The following PRIM2 variants were observed in gnomAD, a reference collection of about 807,000 sequenced individuals.
The protein encoded by PRIM2 is DNA primase large subunit.
PRIM2 carries 39 observed loss-of-function variants against 67.3 expected under a neutral mutation model. That is an observed-to-expected ratio of 0.58 (90% CI 0.45 to 0.76). PRIM2 has a LOEUF of 0.76. PRIM2 is among the 30% of genes least tolerant of loss of function. The pLI is 0.00. For synonymous variants in PRIM2, 143 were observed against 198.7 expected (o/e 0.72, Z 2.36); for missense variants, 398 against 598.7 (o/e 0.66, Z 3.50).
chr6:57,251,056 T>C, the PRIM2 span, among the ~76,000 whole-genome samples: 1 of 152,166 alleles, frequency 6.6e-6, no homozygotes, highest in Non-Finnish European at 1.5e-5. Flanking sequence ...TTTTTATTTC[T>C]CTCTTATAAT....
At chr6:57,644,697 T>C (rs1365122690) in intron 13 of PRIM2, among the ~76,000 whole-genome samples, 2 of 152,168 alleles carry the variant, frequency 1.3e-5, no homozygotes, top group Non-Finnish European at 2.9e-5. Flanking sequence ...CGTAAAAGGA[T>C]TAGTTAATAC....
chr6:57,334,077 C>A (rs1768142032), intron 5 of PRIM2, among the ~76,000 whole-genome samples: 1 of 152,154 alleles, frequency 6.6e-6, no homozygotes, highest in African/African-American at 2.4e-5. Flanking sequence ...CCTAACCACC[C>A]CAGCTACTGG....
chr6:57,347,852 G>C (rs1037598111), intron 5 of PRIM2, among the ~76,000 whole-genome samples: 2 of 152,146 alleles, frequency 1.3e-5, no homozygotes, highest in Admixed American at 6.6e-5. Flanking sequence ...AGATGTATAA[G>C]TCACAAAGCA....
the PRIM2 span, among the ~76,000 whole-genome samples, chr6:57,267,726 T>C: frequency 6.7e-6 from 1 of 148,782 alleles, no homozygotes; most frequent in East Asian, 2.1e-4. Flanking sequence ...CTGGGCAACA[T>C]TGCGACACCC....
intron 7 of PRIM2, among the ~76,000 whole-genome samples, chr6:57,484,825 C>A (rs1773716805): frequency 6.6e-6 from 1 of 152,162 alleles, no homozygotes; most frequent in Non-Finnish European, 1.5e-5. Context: ...CTTTTGGTCC[C>A]AACCTTCCCT....
At chr6:57,610,907 A>G (rs1430226491) in intron 12 of PRIM2, among the ~76,000 whole-genome samples, 2 of 152,210 alleles carry the variant, frequency 1.3e-5, no homozygotes, top group African/African-American at 4.8e-5. Flanking sequence ...GGAGACATGA[A>G]ATAGTAACCC....
Position 57,590,364 on chromosome 6 carries a change from T to C in PRIM2, c.1021-10729T>C, listed in dbSNP as rs1384886245. Among the ~76,000 whole-genome samples, 8 of 152,254 alleles carry C rather than the reference T, an allele frequency of 5.3e-5. No homozygotes were observed. The East Asian group carries it at 1.5e-3, about 29-fold the overall frequency. On this transcript the variant is annotated intron_variant, in intron 10 of 13. Transcript: ENST00000615550. ...AGTAGTTAAAATGGTAAAAACAGATTTTATTCAGGAAAAGCTGCAATAGAA... is the reference window on the plus strand; with the variant it reads ...AGTAGTTAAAATGGTAAAAACAGATCTTATTCAGGAAAAGCTGCAATAGAA...
chr6:57,277,678 T>C, the PRIM2 span, among the ~76,000 whole-genome samples: 1 of 151,972 alleles, frequency 6.6e-6, no homozygotes, highest in African/African-American at 2.4e-5. Context: ...GTCAGTTCAT[T>C]AGCATAGATT....
At chr6:57,642,879 A>G in intron 13 of PRIM2, among the ~76,000 whole-genome samples, 1 of 152,216 alleles carries the variant, frequency 6.6e-6, no homozygotes, top group East Asian at 1.9e-4. Context: ...AGCATCAGCA[A>G]TTTCCAGTTT....
upstream of PRIM2, among the ~76,000 whole-genome samples, chr6:57,310,115 C>G (rs571435340): frequency 1.1e-4 from 16 of 152,108 alleles, no homozygotes; most frequent in African/African-American, 3.9e-4. Context: ...CAAACAACCC[C>G]ATCAAAAAGT....
chr6:57,533,349 C>T (rs1366232211), intron 9 of PRIM2, among the ~76,000 whole-genome samples: 3 of 152,182 alleles, frequency 2.0e-5, no homozygotes, highest in Middle Eastern at 3.4e-3. Flanking sequence ...CCAAATTATT[C>T]ACAATAAATT....
At position 57,588,121 on chromosome 6, in the gene PRIM2, T is replaced by A. The variant is rs1171640684; in HGVS notation, c.1021-12972T>A. Among the ~76,000 whole-genome samples, 8 of 152,122 alleles carry A rather than the reference T, an allele frequency of 5.3e-5. No individual in the cohort carries two copies. The South Asian group carries it at 1.2e-3, about 24-fold the overall frequency. On this transcript the variant is annotated intron_variant, in intron 10 of 13. Coordinates refer to ENST00000615550, the MANE Select transcript of PRIM2 (RefSeq NM_000947.5). ...GCTTGGGGGAAGTCAGACAAAACCA[T>A]TAGGGGACATAGACATGAAGAGGAA...
chr6:57,529,325 A>T (rs1289421534), intron 8 of PRIM2, among the ~76,000 whole-genome samples: 1 of 151,988 alleles, frequency 6.6e-6, no homozygotes, highest in African/African-American at 2.4e-5. Context: ...AAAAAAAAAA[A>T]CAAAAAACCA....
rs2127503339 is a variant in PRIM2, at chr6:57,645,843, A to G, written c.1300-85A>G. The G allele has an allele frequency of 2.1e-5, 15 of 709,718 alleles. No individual in the cohort carries two copies. In the East Asian group the frequency reaches 3.8e-4, roughly 18 times the overall value. The allele number at this position is 709,718 out of a possible 1,614,324, so 44.0% of individuals were successfully genotyped here. The stretch of plus-strand genomic sequence containing the variant: ...ATCCATGTTTCAGGTATTAAGTTTT[A>G]AACAAGTACTAAAACAGCTTTTGAA... On this transcript the variant is annotated intron_variant, in intron 13 of 13. Coordinates refer to ENST00000615550, the MANE Select transcript of PRIM2 (RefSeq NM_000947.5).
chr6:57,316,749 T>G (rs994783702), upstream of PRIM2, among the ~76,000 whole-genome samples: 1 of 152,242 alleles, frequency 6.6e-6, no homozygotes, highest in Non-Finnish European at 1.5e-5. Flanking sequence ...AGAACTGGTG[T>G]GGTGGCTCTG....
At chr6:57,243,403 AG>A in the PRIM2 span, among the ~76,000 whole-genome samples, 1 of 152,174 alleles carries the variant, frequency 6.6e-6, no homozygotes, top group Non-Finnish European at 1.5e-5. Flanking sequence ...AAAGATTAAG[AG>A]GGTATGTTAA....
At chr6:57,237,597 G>A in the PRIM2 span, among the ~76,000 whole-genome samples, 1 of 152,104 alleles carries the variant, frequency 6.6e-6, no homozygotes, top group Non-Finnish European at 1.5e-5. Context: ...TTTGTATAAG[G>A]TGTAAGGAAG....
intron 12 of PRIM2, among the ~76,000 whole-genome samples, chr6:57,618,653 C>T (rs1776796009): frequency 6.6e-6 from 1 of 152,140 alleles, no homozygotes; most frequent in South Asian, 2.1e-4. Flanking sequence ...TGACTGCTGG[C>T]TTTCCCCCAC....
At chr6:57,602,944 C>T (rs1409412228) in intron 11 of PRIM2, among the ~76,000 whole-genome samples, 6 of 152,176 alleles carry the variant, frequency 3.9e-5, no homozygotes, top group African/African-American at 7.2e-5. Flanking sequence ...GCACAACCTC[C>T]GTTGCTGTCA....
Sources: allele counts gnomAD v4.1 joint callset (sites outside exome capture counted in the v4.1 genomes callset), GRCh38; gene constraint gnomAD v4.1.1; transcripts MANE v1.5; gene names NCBI Gene and HGNC (gene_info 2026-07-23, HGNC 2026-07-21).